Variants in GRM7 observed in about 807,000 individuals in gnomAD.
The protein encoded by GRM7 is metabotropic glutamate receptor 7.
A neutral mutation model predicts 84.5 loss-of-function variants in GRM7; 35 were observed. That is an observed-to-expected ratio of 0.41 (90% CI 0.32 to 0.55). The LOEUF is 0.55. GRM7 is among the 20% of genes least tolerant of loss of function. The probability of loss-of-function intolerance (pLI) is 0.19; values close to 1 mark genes in which losing one functional copy is unlikely to be tolerated. For synonymous variants in GRM7, 487 were observed against 455.1 expected (o/e 1.07, Z -0.89); for missense variants, 1,003 against 1,194.6 (o/e 0.84, Z 2.36).
intron 7 of GRM7, among the ~76,000 whole-genome samples, chr3:7,554,681 G>C (rs1693676355): frequency 6.6e-6 from 1 of 152,086 alleles, no homozygotes; most frequent in Non-Finnish European, 1.5e-5. Flanking sequence ...GTAGGTCCTG[G>C]GCTCCATTCA....
At chr3:7,204,335 C>T (rs1006926317) in intron 2 of GRM7, among the ~76,000 whole-genome samples, 1 of 152,214 alleles carries the variant, frequency 6.6e-6, no homozygotes, top group Non-Finnish European at 1.5e-5. Context: ...CAGACATTCT[C>T]TCTTAGGAGC....
intron 9 of GRM7, among the ~76,000 whole-genome samples, chr3:7,717,165 CT>C (rs1349269834): frequency 1.3e-5 from 2 of 151,986 alleles, no homozygotes; most frequent in Non-Finnish European, 2.9e-5. Context: ...TTTTGACACA[CT>C]TTCTTCTTTC....
At chr3:7,342,475 C>G (rs759684721) in intron 4 of GRM7, among the ~76,000 whole-genome samples, 2 of 152,146 alleles carry the variant, frequency 1.3e-5, no homozygotes, top group African/African-American at 2.4e-5. Context: ...CAGAGTTCCT[C>G]TCAACACAAT....
chr3:7,444,973 G>T (rs1697444610), intron 5 of GRM7, among the ~76,000 whole-genome samples: 1 of 152,092 alleles, frequency 6.6e-6, no homozygotes, highest in Non-Finnish European at 1.5e-5. Context: ...ATCAAATTTT[G>T]GTCATTTAAG....
intron 4 of GRM7, among the ~76,000 whole-genome samples, chr3:7,370,337 G>C (rs1362524704): frequency 2.6e-5 from 4 of 151,994 alleles, no homozygotes; most frequent in Non-Finnish European, 5.9e-5. Context: ...TGGATGATAT[G>C]GATCCAGATT....
At chr3:6,984,265 A>G (rs879524762) in intron 1 of GRM7, among the ~76,000 whole-genome samples, 4 of 152,198 alleles carry the variant, frequency 2.6e-5, no homozygotes, top group Non-Finnish European at 4.4e-5. Flanking sequence ...GTTGTATATT[A>G]TTATTATCCT....
At chr3:7,413,792 A>G (rs1696044577) in intron 4 of GRM7, among the ~76,000 whole-genome samples, 1 of 152,200 alleles carries the variant, frequency 6.6e-6, no homozygotes, top group South Asian at 2.1e-4. Context: ...TCATAGCAGT[A>G]GTTGTTGACT....
chr3:7,691,534 G>A (rs986092274), intron 9 of GRM7, among the ~76,000 whole-genome samples: 1 of 152,192 alleles, frequency 6.6e-6, no homozygotes, highest in African/African-American at 2.4e-5. Context: ...TAATCTTGAT[G>A]AGGTACCATG....
At chr3:7,022,947 G>A (rs1031808464) in intron 1 of GRM7, among the ~76,000 whole-genome samples, 4 of 152,250 alleles carry the variant, frequency 2.6e-5, no homozygotes, top group Admixed American at 6.5e-5. Flanking sequence ...ATTATAGAAG[G>A]AAGCTTATAT....
At chr3:7,659,111 G>A (rs1275379162) in intron 8 of GRM7, among the ~76,000 whole-genome samples, 1 of 152,130 alleles carries the variant, frequency 6.6e-6, no homozygotes, top group African/African-American at 2.4e-5. Context: ...CTCCCTTCAA[G>A]ACCTGCTCTG....
At chr3:7,321,894 A>G (rs762474671) in intron 4 of GRM7, among the ~76,000 whole-genome samples, 2 of 152,098 alleles carry the variant, frequency 1.3e-5, no homozygotes, top group African/African-American at 2.4e-5. Flanking sequence ...ATTCATGCAG[A>G]TGCTTATGAC....
chr3:7,188,954 CA>C lies in GRM7; in HGVS notation c.736+42287del, dbSNP rs1332595515. On this transcript the variant is annotated intron_variant, in intron 2 of 9. Transcript: ENST00000357716. This position sits in a 1 kb window ranked among gnomAD's most constrained non-coding sequence, Gnocchi z 4.2. ...ATAGCTGGATGGATGTGTGTGGACT[CA>C]TCTAGGAACAAAGAGCCTAGGAGCT... 6.6e-6 allele frequency among the ~76,000 whole-genome samples: 1 copy of C among 152,176 alleles called. No individual in the cohort carries two copies. The highest frequency in any genetic ancestry group is 1.9e-4 in the East Asian group (1 of 5,196).
intron 1 of GRM7, among the ~76,000 whole-genome samples, chr3:6,995,972 T>G (rs1694812015): frequency 6.6e-6 from 1 of 152,192 alleles, no homozygotes; most frequent in South Asian, 2.1e-4. Flanking sequence ...TACTGTTGCA[T>G]AGGTATGCTC....
intron 5 of GRM7, among the ~76,000 whole-genome samples, chr3:7,429,509 A>G (rs1421267747): frequency 6.6e-6 from 1 of 152,126 alleles, no homozygotes; most frequent in Non-Finnish European, 1.5e-5. Flanking sequence ...TTGGGTATAG[A>G]TTTATCTTTT....
At chr3:6,978,838 C>G (rs1418123854) in intron 1 of GRM7, among the ~76,000 whole-genome samples, 2 of 152,150 alleles carry the variant, frequency 1.3e-5, no homozygotes, top group Admixed American at 6.5e-5. Flanking sequence ...GTCGAGAAGG[C>G]AGACTTCCAA....
At chr3:6,913,232 A>T (rs918932942) in intron 1 of GRM7, among the ~76,000 whole-genome samples, 1 of 152,136 alleles carries the variant, frequency 6.6e-6, no homozygotes, top group African/African-American at 2.4e-5. Context: ...AAGATTTCTG[A>T]TATTATTTTC....
At chr3:7,323,018 A>G (rs1295132175) in intron 4 of GRM7, among the ~76,000 whole-genome samples, 1 of 152,150 alleles carries the variant, frequency 6.6e-6, no homozygotes, top group Non-Finnish European at 1.5e-5. Context: ...GGAAACAAGT[A>G]AGCAAGAGTA....
intron 1 of GRM7, among the ~76,000 whole-genome samples, chr3:6,883,163 G>T (rs962759397): frequency 1.3e-5 from 2 of 152,070 alleles, no homozygotes; most frequent in African/African-American, 4.8e-5. Context: ...TAATAATTGT[G>T]AGATTAAACT....
chr3:7,042,451 T>C (rs185476856), intron 1 of GRM7, among the ~76,000 whole-genome samples: 11 of 152,322 alleles, frequency 7.2e-5, no homozygotes, highest in African/African-American at 2.4e-4. Context: ...TATAATACTC[T>C]TAGCTTTATA....
Sources: gnomAD v4.1 joint callset for allele counts (sites outside exome capture counted in the v4.1 genomes callset) on GRCh38, gnomAD v4.1.1 for gene constraint, Gnocchi (gnomAD v3.1) non-coding constraint, MANE v1.5 for transcripts, NCBI Gene and HGNC (gene_info 2026-07-23, HGNC 2026-07-21) for gene names.